USE1: variants seen among roughly 807,000 people sequenced by gnomAD.
USE1 encodes unconventional SNARE in the ER 1, also known as vesicle transport protein USE1.
In USE1, 32 loss-of-function variants were observed where a neutral mutation model predicts 37.6. The observed-to-expected ratio is 0.85, with a 90% CI of 0.64 to 1.14. USE1 has a LOEUF of 1.14. USE1 is among the 50% of genes most tolerant of loss of function. The pLI is 0.00. For missense variants in USE1, 310 were observed against 332.2 expected (o/e 0.93, Z 0.52); for synonymous variants, 149 against 137.6 (o/e 1.08, Z -0.58).
intron 6 of USE1, 39 bp from the exon 7 acceptor site, chr19:17,219,174 C>A (rs1415070178): frequency 6.3e-7 from 1 of 1,576,732 alleles, no homozygotes; most frequent in Non-Finnish European, 8.6e-7. Context: ...CTTTCCCACT[C>A]CATCTCTCAT....
chr19:17,219,142 G>C (rs939877889), intron 6 of USE1, 71 bp from the exon 7 acceptor site: 15 of 1,367,580 alleles, frequency 1.1e-5, no homozygotes, highest in Non-Finnish European at 1.4e-5. Context: ...AAAAAAAAAA[G>C]AAAATGTGTT....
Position 17,219,568 on chromosome 19 carries a change from G to C in USE1, c.598-63G>C, listed in dbSNP as rs981684466. 84 of 1,524,050 alleles carry C rather than the reference G, an allele frequency of 5.5e-5. No homozygotes were observed. In the African/African-American group the frequency reaches 9.9e-4, roughly 18 times the overall value. 94.4% of individuals were successfully genotyped at this position (1,524,050 alleles called of 1,614,324 possible). The stretch of plus-strand genomic sequence containing the variant: ...GACAAGAGGTGCAGGCCAGTCCCAG[G>C]GAAGTAGAGAGAGGCCATTCTTGGC... On this transcript the variant is annotated intron_variant, in intron 7 of 7. Transcript: ENST00000263897.
chr19:17,215,370 G>C lies in USE1; in HGVS notation c.-36G>C. ...GGCACTTCCGCCCTCTCTTAACATG[G>C]AGCCGGCGGAAGGGGTGGTGTAGGG... On this transcript the variant is annotated 5_prime_UTR_variant, in exon 1 of 8. Transcript: ENST00000263897. 2 of 1,544,910 alleles carry C rather than the reference G, an allele frequency of 1.3e-6. No homozygotes were observed. The highest frequency in any genetic ancestry group is 1.2e-5 in the South Asian group (1 of 83,914).
chr19:17,215,570 AGCC>A, intron 1 of USE1, 63 bp downstream of exon 1: 1 of 1,530,234 alleles, frequency 6.5e-7, no homozygotes, highest in Admixed American at 2.0e-5. Context: ...TAGGGTTGGA[AGCC>A]ACCTGGCCCG....
rs756243762 is a variant in USE1 at position 17,216,194 on chromosome 19, C to A, written c.257C>A (p.Ala86Asp). 6.8e-6 allele frequency: 11 copies of A among 1,612,830 alleles called. No homozygotes were observed. Among genetic ancestry groups the A allele is most frequent in the Middle Eastern group, 1.6e-4 (1 of 6,062 alleles). The change falls in exon 4 of 8, where the codon GCC (alanine) becomes GAC (aspartate). Residue 86 changes from alanine to aspartate, a missense_variant. Coordinates refer to ENST00000263897, the MANE Select transcript of USE1 (RefSeq NM_018467.4). ...ACCTCCTCCTCAGAGAAAGCACTGG[C>A]CAACCAGTTCCTGGCCCCTGGCCGT... The part of the protein sequence containing the change: ...KLTSSSEKAL[A>D]NQFLAPGRVP...
At chr19:17,218,283 G>C (rs749919438) in intron 5 of USE1, 81 bp from the exon 6 acceptor site, 1 of 1,590,036 alleles carries the variant, frequency 6.3e-7, no homozygotes, top group Non-Finnish European at 8.6e-7. Context: ...CCAAGCAGTA[G>C]ACCCAGCACA....
chr19:17,218,200 C>A, intron 5 of USE1, 164 bp from the exon 6 acceptor site: 1 of 874,254 alleles, frequency 1.1e-6, no homozygotes, highest in Non-Finnish European at 1.8e-6. Context: ...GTAAGGAGAC[C>A]CTCCTAGAAG....
Position 17,216,041 on chromosome 19 carries a change from C to A in USE1, c.202C>A (p.Leu68Met). The change falls in exon 3 of 8, where the codon CTG becomes ATG. Residue 68 changes from leucine to methionine, a missense_variant. Leu to Met is a conservative substitution (Grantham distance 15, BLOSUM62 2). Transcript: ENST00000263897. ...TGAATATTCCTGGAAGGTGGATTTTCTGAAGGGGATGCTGCAAGCCGAGAA... is the reference window on the plus strand; with the variant it reads ...TGAATATTCCTGGAAGGTGGATTTTATGAAGGGGATGCTGCAAGCCGAGAA... ...INEYSWKVDFLKGMLQAEKLT... is the reference protein window; with the variant it reads ...INEYSWKVDFMKGMLQAEKLT... 6.2e-7 allele frequency: 1 copy of A among 1,611,402 alleles called. No homozygotes were observed. Among genetic ancestry groups the A allele is most frequent in the Admixed American group, 1.7e-5 (1 of 59,372 alleles).
intron 1 of USE1, 42 bp downstream of exon 1, chr19:17,215,549 G>A: frequency 6.5e-7 from 1 of 1,544,748 alleles, no homozygotes. Context: ...CGACTCCCGG[G>A]GGGTGATTCC....
Position 17,219,333 on chromosome 19 carries a change from G to T in USE1, c.543G>T (p.Arg181=). ...CGGAAGAGATGCTAGGACTGGCCCG[G>T]AGCCTCAAGACCAATACCCTGGCCG... The part of the protein sequence containing the change: ...KLAEEMLGLA[R]SLKTNTLAAQ... The change falls in exon 7 of 8, where the codon CGG becomes CGT. Residue 181 remains arginine (R), a synonymous_variant. Transcript: ENST00000263897. The T allele has an allele frequency of 6.3e-7, 1 of 1,596,336 alleles. No homozygotes were observed. Among genetic ancestry groups the T allele is most frequent in the Admixed American group, 1.8e-5 (1 of 56,592 alleles).
intron 4 of USE1, among the ~76,000 whole-genome samples, chr19:17,217,216 A>G (rs1235833035): frequency 1.4e-5 from 2 of 147,242 alleles, no homozygotes; most frequent in Admixed American, 6.8e-5. Flanking sequence ...GCTCACTGCA[A>G]CCTCCGCCTC....
At chr19:17,216,091 C>G in intron 3 of USE1, 21 bp downstream of exon 3, 1 of 1,613,348 alleles carries the variant, frequency 6.2e-7, no homozygotes, top group Non-Finnish European at 8.5e-7. Context: ...GTGCCCCTGC[C>G]CCCTCAGCCC....
chr19:17,215,820 G>C lies in USE1; in HGVS notation c.121G>C (p.Asp41His), dbSNP rs529743191. ...RLEKYVGALE[D>H]MLQALKVHAS... ...TCCCCAGTACGTGGGAGCCCTAGAG[G>C]ACATGTTGCAGGCCCTGAAGGTCCA... Residue 41 changes from aspartate (D) to histidine (H), a missense_variant, in exon 2 of 8, where the codon GAC becomes CAC. Asp to His is a moderately conservative substitution (Grantham distance 81, BLOSUM62 -1). Transcript: ENST00000263897. The C allele has an allele frequency of 6.2e-7, 1 of 1,610,782 alleles. No individual in the cohort carries two copies. The highest frequency in any genetic ancestry group is 1.7e-5 in the Admixed American group (1 of 59,624).
intron 5 of USE1, 43 bp downstream of exon 5, chr19:17,217,505 T>C: frequency 6.2e-7 from 1 of 1,607,192 alleles, no homozygotes; most frequent in Non-Finnish European, 8.5e-7. Flanking sequence ...GCCAGCTGAC[T>C]AGGACAAGAC....
Position 17,215,804 on chromosome 19 carries a change from C to T in USE1, c.105C>T (p.Tyr35=), listed in dbSNP as rs1265701637. ...GACAATCCACTTTTCCTCCCCAGTACGTGGGAGCCCTAGAGGACATGTTGC... is the reference window on the plus strand; with the variant it reads ...GACAATCCACTTTTCCTCCCCAGTATGTGGGAGCCCTAGAGGACATGTTGC... The part of the protein sequence containing the change: ...RDPDEWRLEK[Y]VGALEDMLQA... Residue 35 remains tyrosine, a splice_region_variant and synonymous_variant, in exon 2 of 8, where the codon TAC becomes TAT. Coordinates refer to ENST00000263897, the MANE Select transcript of USE1 (RefSeq NM_018467.4). 3 of 1,609,052 alleles carry T rather than the reference C, an allele frequency of 1.9e-6. No individual in the cohort carries two copies. The highest frequency in any genetic ancestry group is 2.2e-5 in the South Asian group (2 of 90,212).
At position 17,215,846 on chromosome 19, in the gene USE1, C is replaced by T. The variant is rs1211718751; in HGVS notation, c.147C>T (p.His49=). ...LEDMLQALKV[H]ASKPASEVIN... ...ACATGTTGCAGGCCCTGAAGGTCCA[C>T]GCGAGGTGAGTGCAGGCAGCCTCAG... Residue 49 remains histidine, a synonymous_variant, in exon 2 of 8, where the codon CAC becomes CAT. Transcript: ENST00000263897. 2 of 1,609,078 alleles carry T rather than the reference C, an allele frequency of 1.2e-6. No individual in the cohort carries two copies. Among genetic ancestry groups the T allele is most frequent in the African/African-American group, 1.3e-5 (1 of 74,918 alleles).
rs776402791 is a variant in USE1, at chr19:17,219,821, C to G, written c.*8C>G. 4 of 1,575,686 alleles carry G rather than the reference C, an allele frequency of 2.5e-6. No homozygotes were observed. In the African/African-American group the frequency reaches 5.4e-5, roughly 21 times the overall value. On this transcript the variant is annotated 3_prime_UTR_variant, in exon 8 of 8. Transcript: ENST00000263897. ...ATGCCTAAACTCAAATAAAGACCCCCGCCCACCTTGTCTGTCTTCCGTCTG... is the reference window on the plus strand; with the variant it reads ...ATGCCTAAACTCAAATAAAGACCCCGGCCCACCTTGTCTGTCTTCCGTCTG...
chr19:17,219,425 G>C (rs1372227512), intron 7 of USE1, 38 bp downstream of exon 7: 2 of 1,526,890 alleles, frequency 1.3e-6, no homozygotes, highest in African/African-American at 2.8e-5. Flanking sequence ...CTCTGCCCTG[G>C]GGCATCAGAG....
chr19:17,215,755 A>T, intron 1 of USE1, 47 bp from the exon 2 acceptor site: 2 of 1,192,784 alleles, frequency 1.7e-6, no homozygotes. Context: ...TCCCATGATC[A>T]GGACATGGGA....
Sources: allele counts gnomAD v4.1 joint callset (sites outside exome capture counted in the v4.1 genomes callset), GRCh38; gene constraint gnomAD v4.1.1; transcripts MANE v1.5; gene names NCBI Gene and HGNC (gene_info 2026-07-23, HGNC 2026-07-21).